Variants in RFX3 observed in about 807,000 individuals in gnomAD.
RFX3 encodes the protein regulatory factor X3.
Under a neutral mutation model 98.6 loss-of-function variants are expected in RFX3, and 14 were observed. That is an observed-to-expected ratio of 0.14 (90% confidence interval 0.09 to 0.22). The LOEUF (loss-of-function observed/expected upper bound fraction) is 0.22, where lower values mean the gene tolerates loss of function less well. RFX3 is among the 10% of genes least tolerant of loss of function. RFX3 has a pLI of 1.00. For synonymous variants in RFX3, 383 were observed against 328.4 expected (o/e 1.17, Z -1.80); for missense variants, 639 against 926.9 (o/e 0.69, Z 4.03).
chr9:3,388,495 C>A (rs1366154391), intron 2 of RFX3, among the ~76,000 whole-genome samples: 3 of 151,996 alleles, frequency 2.0e-5, no homozygotes, highest in African/African-American at 7.2e-5. Flanking sequence ...CTGATACTAA[C>A]CAAAAAGAAA....
intron 1 of RFX3, chr9:3,524,578 G>C (rs1476143603): frequency 5.2e-6 from 5 of 965,448 alleles, no homozygotes; most frequent in Non-Finnish European, 6.2e-6. Context: ...AACTCTTAAA[G>C]TACCATAACT....
chr9:3,284,496 C>G (rs538922489), intron 7 of RFX3, among the ~76,000 whole-genome samples: 6 of 151,704 alleles, frequency 4.0e-5, no homozygotes, highest in Non-Finnish European at 7.4e-5. Flanking sequence ...AAAACTGTTA[C>G]ACAGTCTCCT....
chr9:3,226,353 G>A (rs937983147), intron 16 of RFX3, among the ~76,000 whole-genome samples: 3 of 152,160 alleles, frequency 2.0e-5, no homozygotes, highest in Non-Finnish European at 4.4e-5. Context: ...TATAAACAAG[G>A]CCCCTTGACT....
At chr9:3,349,036 T>C (rs1481858546) in intron 2 of RFX3, among the ~76,000 whole-genome samples, 1 of 152,152 alleles carries the variant, frequency 6.6e-6, no homozygotes, top group Non-Finnish European at 1.5e-5. Context: ...TTCATATTTC[T>C]AGGTCTTTTC....
At chr9:3,304,842 A>T (rs542735866) in intron 4 of RFX3, among the ~76,000 whole-genome samples, 1 of 152,128 alleles carries the variant, frequency 6.6e-6, no homozygotes, top group East Asian at 1.9e-4. Context: ...ACGGACTAAT[A>T]TGCCAAACAA....
At chr9:3,404,510 C>A (rs1188251027) in intron 1 of RFX3, among the ~76,000 whole-genome samples, 1 of 152,068 alleles carries the variant, frequency 6.6e-6, no homozygotes, top group African/African-American at 2.4e-5. Context: ...GGCTGTCCTT[C>A]CAATTTGGTA....
At position 3,360,272 on chromosome 9, in the gene RFX3, A is replaced by T. The variant is rs188097644; in HGVS notation, c.118-13508T>A. Reference sequence around the variant, plus strand: ...AAATATTTTTCACTACTTTAAAATTAAAAAAAAACAGTGAAATGGGCAAAA... The same window carrying T: ...AAATATTTTTCACTACTTTAAAATTTAAAAAAAACAGTGAAATGGGCAAAA... On this transcript the variant is annotated intron_variant, in intron 2 of 16. Coordinates refer to ENST00000617270, the MANE Select transcript of RFX3 (RefSeq NM_001282116.2). 7.3e-5 allele frequency among the ~76,000 whole-genome samples: 11 copies of T among 150,736 alleles called. No individual in the cohort carries two copies. The East Asian group carries it at 1.6e-3, about 21-fold the overall frequency.
chr9:3,427,339 T>A (rs890624927), intron 1 of RFX3, among the ~76,000 whole-genome samples: 37 of 142,664 alleles, frequency 2.6e-4, no homozygotes, highest in Non-Finnish European at 4.6e-4. Flanking sequence ...AAATATATAT[T>A]GTATTACATA....
chr9:3,411,431 C>T (rs983855673), intron 1 of RFX3, among the ~76,000 whole-genome samples: 4 of 152,002 alleles, frequency 2.6e-5, no homozygotes, highest in Non-Finnish European at 4.4e-5. Context: ...GGCATGATCT[C>T]GGCTCACTGC....
intron 15 of RFX3, among the ~76,000 whole-genome samples, chr9:3,243,895 C>T (rs1361241716): frequency 6.6e-6 from 1 of 152,150 alleles, no homozygotes; most frequent in Non-Finnish European, 1.5e-5. Context: ...GACTTTGGTG[C>T]CAGACTGCGT....
chr9:3,470,299 T>TTTTC (rs1407354878), intron 1 of RFX3, among the ~76,000 whole-genome samples: 1 of 151,698 alleles, frequency 6.6e-6, no homozygotes, highest in Non-Finnish European at 1.5e-5. Flanking sequence ...GCCCAGATTC[T>TTTTC]TTTCTTTTTT....
chr9:3,252,226 T>C (rs1821506740), intron 14 of RFX3, among the ~76,000 whole-genome samples: 1 of 152,238 alleles, frequency 6.6e-6, no homozygotes, highest in Admixed American at 6.5e-5. Flanking sequence ...TTCACATTTA[T>C]TTAGCAGATA....
chr9:3,354,759 A>G (rs1030261666), intron 2 of RFX3, among the ~76,000 whole-genome samples: 6 of 151,906 alleles, frequency 3.9e-5, no homozygotes, highest in African/African-American at 1.4e-4. Context: ...GATCTACATA[A>G]AGAAATGAGA....
At chr9:3,317,211 A>G (rs1266502764) in intron 4 of RFX3, among the ~76,000 whole-genome samples, 2 of 152,160 alleles carry the variant, frequency 1.3e-5, no homozygotes, top group African/African-American at 4.8e-5. Context: ...CAGAAATAAT[A>G]CCACACATCT....
intron 1 of RFX3, chr9:3,452,432 T>C (rs117354426): frequency 0.028 from 5,687 of 205,730 alleles, 128 homozygotes; most frequent in Non-Finnish European, 0.04. Flanking sequence ...GTCTATAAAA[T>C]AATAAAAATA....
chr9:3,360,370 A>G (rs555181913), intron 2 of RFX3, among the ~76,000 whole-genome samples: 9 of 152,272 alleles, frequency 5.9e-5, no homozygotes, highest in African/African-American at 1.9e-4. Context: ...TAAGTGTTCA[A>G]TGAATTAAAA....
intron 15 of RFX3, among the ~76,000 whole-genome samples, chr9:3,240,339 T>C (rs992747925): frequency 5.3e-5 from 8 of 152,176 alleles, no homozygotes; most frequent in Non-Finnish European, 7.3e-5. Context: ...AGTAAAACTA[T>C]TGGGGAAATA....
intron 1 of RFX3, among the ~76,000 whole-genome samples, chr9:3,520,323 A>G (rs1001491449): frequency 6.6e-6 from 1 of 152,224 alleles, no homozygotes; most frequent in African/African-American, 2.4e-5. Context: ...TAATTATAGT[A>G]AAATATGGAC....
chr9:3,327,785 A>G (rs7025201), intron 4 of RFX3, among the ~76,000 whole-genome samples: 16,745 of 152,146 alleles, frequency 0.11, 953 homozygotes, highest in Middle Eastern at 0.19. Context: ...TTAATTTACC[A>G]GTTAGTATAA....
Sources: gnomAD v4.1 joint callset for allele counts (sites outside exome capture counted in the v4.1 genomes callset) on GRCh38, gnomAD v4.1.1 for gene constraint, MANE v1.5 for transcripts, NCBI Gene and HGNC (gene_info 2026-07-23, HGNC 2026-07-21) for gene names.